ARID1B: variants seen among roughly 807,000 people sequenced by gnomAD.
The protein encoded by ARID1B is AT-rich interactive domain-containing protein 1B.
A neutral mutation model predicts 212.3 loss-of-function variants in ARID1B; 30 were observed. That is an observed-to-expected ratio of 0.14 (90% confidence interval 0.11 to 0.19). The LOEUF is 0.19. Among genes scored for constraint, ARID1B ranks in the 10% least tolerant of loss-of-function variants. ARID1B has a pLI of 1.00. For missense variants in ARID1B, 2,891 were observed against 3,204.0 expected (o/e 0.90, Z 2.36); for synonymous variants, 1,402 against 1,301.7 (o/e 1.08, Z -1.66).
chr6:157,003,972 A>C (rs1779053497), intron 4 of ARID1B, among the ~76,000 whole-genome samples: 1 of 152,102 alleles, frequency 6.6e-6, no homozygotes, highest in African/African-American at 2.4e-5. Context: ...CCATCTCTAC[A>C]AAAAGGACAA....
At chr6:157,067,715 A>T (rs575924103) in intron 4 of ARID1B, among the ~76,000 whole-genome samples, 1 of 152,182 alleles carries the variant, frequency 6.6e-6, no homozygotes, top group Admixed American at 6.5e-5. Flanking sequence ...ATTCACACAG[A>T]AAGTATTATA....
intron 1 of ARID1B, among the ~76,000 whole-genome samples, chr6:156,787,098 T>C (rs1225045874): frequency 6.6e-6 from 1 of 152,142 alleles, no homozygotes; most frequent in African/African-American, 2.4e-5. Context: ...CAGAGCGAAA[T>C]ATAGATTCAC....
intron 1 of ARID1B, among the ~76,000 whole-genome samples, chr6:156,808,071 G>A (rs902842636): frequency 5.9e-5 from 9 of 152,206 alleles, no homozygotes; most frequent in Admixed American, 5.9e-4. Context: ...CCGTGTTACT[G>A]TTGAGGCTTT....
intron 3 of ARID1B, among the ~76,000 whole-genome samples, chr6:156,927,506 G>A (rs372858463): frequency 3.3e-5 from 5 of 152,192 alleles, no homozygotes; most frequent in African/African-American, 1.2e-4. Context: ...CAAATGTCTT[G>A]ATCCCCACCC....
At chr6:156,810,527 T>A (rs1254635971) in intron 1 of ARID1B, among the ~76,000 whole-genome samples, 4 of 152,230 alleles carry the variant, frequency 2.6e-5, no homozygotes, top group Non-Finnish European at 4.4e-5. Flanking sequence ...TCACAGCCTC[T>A]GGTGTCCAGA....
intron 4 of ARID1B, among the ~76,000 whole-genome samples, chr6:157,043,724 G>A (rs375042893): frequency 4.7e-4 from 71 of 152,132 alleles, no homozygotes; most frequent in African/African-American, 1.6e-3. Flanking sequence ...CTGTTATCTG[G>A]GCTAATATGT....
chr6:156,926,155 A>AT lies in ARID1B; in HGVS notation c.2137-9308dup, dbSNP rs1791201023. Among the ~76,000 whole-genome samples, 3 of 152,160 alleles carry AT rather than the reference A, an allele frequency of 2.0e-5. No individual in the cohort carries two copies. The South Asian group carries it at 6.2e-4, about 31-fold the overall frequency. Reference sequence around the variant, plus strand: ...GGTTAAGATAAAGTCAGAGTGTGAGATTTAGGCTGGGAGGGCACCTTCAGC... The same window carrying AT: ...GGTTAAGATAAAGTCAGAGTGTGAGATTTTAGGCTGGGAGGGCACCTTCAGC... On this transcript the variant is annotated intron_variant, in intron 3 of 19. Coordinates refer to ENST00000636930, the MANE Select transcript of ARID1B (RefSeq NM_001374828.1).
chr6:157,090,184 T>G (rs540412169), intron 5 of ARID1B, among the ~76,000 whole-genome samples: 3 of 145,876 alleles, frequency 2.1e-5, no homozygotes, highest in Non-Finnish European at 2.9e-5. Flanking sequence ...GAGGCTTTTG[T>G]CAGCTTTTCC....
intron 4 of ARID1B, among the ~76,000 whole-genome samples, chr6:156,972,574 A>G (rs986953194): frequency 6.6e-6 from 1 of 152,244 alleles, no homozygotes; most frequent in Non-Finnish European, 1.5e-5. Flanking sequence ...TTTGGATAGC[A>G]TGGTTTGAAA....
chr6:156,815,356 A>C (rs977034361), intron 1 of ARID1B, among the ~76,000 whole-genome samples: 2 of 152,252 alleles, frequency 1.3e-5, no homozygotes, highest in Non-Finnish European at 2.9e-5. Context: ...AGATTGGTAT[A>C]TTAATTCACT....
intron 4 of ARID1B, among the ~76,000 whole-genome samples, chr6:157,053,145 G>T (rs545435805): frequency 1.3e-5 from 2 of 152,076 alleles, no homozygotes; most frequent in East Asian, 3.9e-4. Flanking sequence ...GAGTGCAGTG[G>T]CATGATCTCG....
chr6:156,860,105 A>T (rs1411976582), intron 2 of ARID1B, among the ~76,000 whole-genome samples: 6 of 152,224 alleles, frequency 3.9e-5, no homozygotes, highest in Non-Finnish European at 1.5e-5. Context: ...AATATGAACA[A>T]AAGCACCTAT....
chr6:157,164,038 C>T (rs996837171), intron 8 of ARID1B, among the ~76,000 whole-genome samples: 7 of 152,186 alleles, frequency 4.6e-5, no homozygotes, highest in Non-Finnish European at 7.3e-5. Context: ...GAATCTAAAA[C>T]ATTAAATGTG....
At chr6:156,838,926 C>G (rs1325712445) in intron 2 of ARID1B, among the ~76,000 whole-genome samples, 2 of 151,942 alleles carry the variant, frequency 1.3e-5, no homozygotes, top group Non-Finnish European at 2.9e-5. Flanking sequence ...AGTATATTAC[C>G]TTGAGATTTC....
chr6:157,007,782 T>C (rs1443158177), intron 4 of ARID1B, among the ~76,000 whole-genome samples: 2 of 148,294 alleles, frequency 1.3e-5, no homozygotes, highest in Admixed American at 6.8e-5. Context: ...CAGGCTGGGG[T>C]CTCCTGCCTC....
intron 4 of ARID1B, among the ~76,000 whole-genome samples, chr6:156,978,200 C>T (rs1183989503): frequency 1.3e-5 from 2 of 152,186 alleles, no homozygotes; most frequent in African/African-American, 4.8e-5. Context: ...CTCTGATTCC[C>T]AGCTCCATTT....
intron 2 of ARID1B, among the ~76,000 whole-genome samples, chr6:156,873,567 A>G (rs1302381142): frequency 6.6e-6 from 1 of 152,244 alleles, no homozygotes; most frequent in Admixed American, 6.5e-5. Context: ...GAATCTACAA[A>G]TGATCTGCGT....
chr6:157,121,764 TG>T (rs1327575766), intron 6 of ARID1B, among the ~76,000 whole-genome samples: 2 of 151,626 alleles, frequency 1.3e-5, no homozygotes, highest in Non-Finnish European at 2.9e-5. Flanking sequence ...CCCGAGTAGC[TG>T]GAACTATAGG....
intron 1 of ARID1B, among the ~76,000 whole-genome samples, chr6:156,825,982 A>G (rs1447167213): frequency 2.0e-5 from 3 of 152,270 alleles, no homozygotes; most frequent in Non-Finnish European, 2.9e-5. Context: ...ATATATCAAC[A>G]TACATGTTTG....
Sources: gnomAD v4.1 joint callset for allele counts (sites outside exome capture counted in the v4.1 genomes callset) on GRCh38, gnomAD v4.1.1 for gene constraint, MANE v1.5 for transcripts, NCBI Gene and HGNC (gene_info 2026-07-23, HGNC 2026-07-21) for gene names.